SPDYE18: variants seen among roughly 807,000 people sequenced by gnomAD.
SPDYE18 encodes the protein speedy protein E18.
In SPDYE18, 6 loss-of-function variants were observed where a neutral mutation model predicts 44.9. The ratio of observed to expected loss-of-function variants is 0.13; its 90% confidence interval spans 0.07 to 0.26. The LOEUF (loss-of-function observed/expected upper bound fraction) is 0.26, where lower values mean the gene tolerates loss of function less well. SPDYE18 is among the 10% of genes least tolerant of loss of function. SPDYE18 has a pLI of 1.00. For missense variants in SPDYE18, 121 were observed against 463.2 expected (o/e 0.26, Z 6.78); for synonymous variants, 35 against 177.1 (o/e 0.20, Z 6.37).
At chr7:77,055,610 T>C (rs1475870809) in intron 5 of SPDYE18, among the ~76,000 whole-genome samples, 1 of 65,606 alleles carries the variant, frequency 1.5e-5, no homozygotes, top group African/African-American at 1.3e-4. Context: ...GGGTCTTTTG[T>C]GTGCCAGGCA....
intron 8 of SPDYE18, among the ~76,000 whole-genome samples, chr7:77,052,206 T>A (rs1185928172): frequency 6.7e-6 from 1 of 149,286 alleles, no homozygotes; most frequent in Non-Finnish European, 1.5e-5. Context: ...GGGCCTTTTG[T>A]GTCACTTAAG....
rs1790005299 is a variant in SPDYE18, at chr7:77,060,534, A to G, written c.-22T>C. On this transcript the variant is annotated 5_prime_UTR_variant, in exon 2 of 9. Coordinates refer to ENST00000510091, the MANE Select transcript of SPDYE18 (RefSeq NM_001394953.1). ...CCATGGCCTTCTTCTGGACACTGCT[A>G]GGATCCAGAAGAGTATGTTATCAAT... The G allele has an allele frequency of 6.5e-7, 1 of 1,534,906 alleles. No individual in the cohort carries two copies. Among genetic ancestry groups the G allele is most frequent in the Non-Finnish European group, 8.7e-7 (1 of 1,146,708 alleles).
At position 77,053,099 on chromosome 7, in the gene SPDYE18, C is replaced by A. The variant is rs200847040; in HGVS notation, c.860G>T (p.Arg287Leu). 124 of 1,614,110 alleles carry A rather than the reference C, an allele frequency of 7.7e-5. 1 individual carries two copies. Among genetic ancestry groups the A allele is most frequent in the Non-Finnish European group, 1.2e-5 (14 of 1,180,056 alleles). Residue 287 changes from arginine (R) to leucine (L), a missense_variant, in exon 7 of 9, where the codon CGT becomes CTT. Transcript: ENST00000510091. ...TRSRIPLVRN[R>L]RFQLCRCLNP... ...CAAGCAACGGCATAACTGGAACCGA[C>A]GGTTACGGACCAAGGGTATGCGAGA...
rs1462134651 is a variant in SPDYE18 at position 77,051,273 on chromosome 7, A to G, written c.*652T>C. Among the ~76,000 whole-genome samples, 10 of 152,364 alleles carry G rather than the reference A, an allele frequency of 6.6e-5. No homozygotes were observed. The East Asian group carries it at 1.9e-3, about 29-fold the overall frequency. ...GGATAAAAAGAATTGTCTCTTAAAA[A>G]TGAAAAGAAAATTATCTTTATGTAT... On this transcript the variant is annotated 3_prime_UTR_variant, in exon 9 of 9. Transcript: ENST00000510091.
intron 8 of SPDYE18, among the ~76,000 whole-genome samples, chr7:77,052,469 C>T (rs1156538227): frequency 1.3e-5 from 2 of 152,092 alleles, no homozygotes; most frequent in African/African-American, 4.8e-5. Context: ...GGGTCTCACT[C>T]TGTCGCCCAG....
At chr7:77,053,294 G>C in intron 6 of SPDYE18, 91 bp from the exon 7 acceptor site, 1 of 1,526,766 alleles carries the variant, frequency 6.5e-7, no homozygotes, top group Non-Finnish European at 8.8e-7. Context: ...GTAAGGGACT[G>C]TCCCTAGCTC....
chr7:77,057,131 G>A (rs1789936827), intron 4 of SPDYE18, among the ~76,000 whole-genome samples: 1 of 152,236 alleles, frequency 6.6e-6, no homozygotes, highest in South Asian at 2.1e-4. Context: ...TGCTCTGTGG[G>A]CCAGGCTGGA....
intron 3 of SPDYE18, among the ~76,000 whole-genome samples, chr7:77,058,659 GC>G: frequency 6.7e-6 from 1 of 148,946 alleles, no homozygotes; most frequent in Admixed American, 6.8e-5. Flanking sequence ...GGCATGCCTG[GC>G]TAATTTTTGT....
chr7:77,052,262 T>C (rs1472082375), intron 8 of SPDYE18, among the ~76,000 whole-genome samples: 2 of 151,724 alleles, frequency 1.3e-5, no homozygotes, highest in Non-Finnish European at 2.9e-5. Context: ...TGTGACAACA[T>C]CACGAACCAC....
chr7:77,060,294 G>GC, intron 2 of SPDYE18, 59 bp downstream of exon 2: 1 of 1,532,770 alleles, frequency 6.5e-7, no homozygotes, highest in South Asian at 1.2e-5. Flanking sequence ...ACCGCACCCG[G>GC]CCCCCTTCCT....
chr7:77,058,153 A>C, intron 3 of SPDYE18, among the ~76,000 whole-genome samples: 1 of 119,632 alleles, frequency 8.4e-6, no homozygotes. Flanking sequence ...TGTTGTTGAG[A>C]AACAGTCTTG....
chr7:77,051,625 C>T lies in SPDYE18; in HGVS notation c.*300G>A, dbSNP rs756148281. On this transcript the variant is annotated 3_prime_UTR_variant, in exon 9 of 9. Transcript: ENST00000510091. ...AGCAATATAGAAAGGGTGGTGGTGC[C>T]GCAGGAAAGGGTGGAACTGGAAACA... 7.0e-4 allele frequency among the ~76,000 whole-genome samples: 107 copies of T among 152,284 alleles called. No homozygotes were observed. Among genetic ancestry groups the T allele is most frequent in the Admixed American group, 1.4e-3 (21 of 15,292 alleles).
At position 77,051,064 on chromosome 7, in the gene SPDYE18, C is replaced by T. The variant is rs1399921447; in HGVS notation, c.*861G>A. 4.6e-5 allele frequency among the ~76,000 whole-genome samples: 7 copies of T among 151,944 alleles called. No individual in the cohort carries two copies. Among genetic ancestry groups the T allele is most frequent in the Admixed American group, 6.5e-5 (1 of 15,278 alleles). On this transcript the variant is annotated 3_prime_UTR_variant, in exon 9 of 9. Coordinates refer to ENST00000510091, the MANE Select transcript of SPDYE18 (RefSeq NM_001394953.1). ...AAATCACAACTGAATTCTCACAATT[C>T]AGTCACAAACCTAAACAGCAAATAA...
intron 6 of SPDYE18, 81 bp from the exon 7 acceptor site, chr7:77,053,284 G>T (rs886288335): frequency 3.3e-5 from 51 of 1,545,100 alleles, no homozygotes; most frequent in African/African-American, 5.4e-5. Context: ...AGAGAGGAAG[G>T]TAAGGGACTG....
chr7:77,052,300 A>C (rs1422569078), intron 8 of SPDYE18, among the ~76,000 whole-genome samples: 12 of 152,076 alleles, frequency 7.9e-5, no homozygotes, highest in African/African-American at 2.4e-4. Context: ...CCTTAATCCT[A>C]CCTCCTCATG....
intron 6 of SPDYE18, among the ~76,000 whole-genome samples, chr7:77,054,338 G>A (rs1447867537): frequency 6.8e-6 from 1 of 146,946 alleles, no homozygotes; most frequent in Non-Finnish European, 1.5e-5. Flanking sequence ...TGGCGAGCCA[G>A]TGTGCTTGTA....
intron 3 of SPDYE18, among the ~76,000 whole-genome samples, chr7:77,058,951 C>T (rs1257050918): frequency 6.6e-6 from 1 of 152,056 alleles, no homozygotes; most frequent in Admixed American, 6.6e-5. Flanking sequence ...AGCCACTGCA[C>T]CTAGCCCGAA....
chr7:77,054,154 A>T (rs1433378228), intron 6 of SPDYE18, among the ~76,000 whole-genome samples: 2 of 151,998 alleles, frequency 1.3e-5, no homozygotes. Flanking sequence ...GGCATGCAGA[A>T]GTTGGAAGAT....
intron 6 of SPDYE18, 59 bp from the exon 7 acceptor site, chr7:77,053,262 G>C: frequency 1.2e-6 from 2 of 1,605,724 alleles, no homozygotes; most frequent in Non-Finnish European, 1.7e-6. Flanking sequence ...CTCCGGCTGA[G>C]GTCAGCTTCC....
Sources: gnomAD v4.1 joint callset for allele counts (sites outside exome capture counted in the v4.1 genomes callset) on GRCh38, gnomAD v4.1.1 for gene constraint, MANE v1.5 for transcripts, NCBI Gene and HGNC (gene_info 2026-07-23, HGNC 2026-07-21) for gene names.